The following GAS7 variants were observed in gnomAD, a reference collection of about 807,000 sequenced individuals.
GAS7 encodes growth arrest-specific protein 7.
In GAS7, 28 loss-of-function variants were observed where a neutral mutation model predicts 71.1. The ratio of observed to expected loss-of-function variants is 0.39; its 90% CI spans 0.29 to 0.54. GAS7 has a LOEUF of 0.54. GAS7 is among the 20% of genes least tolerant of loss of function. GAS7 has a pLI of 0.62. For synonymous variants in GAS7, 258 were observed against 245.8 expected, an observed-to-expected ratio of 1.05 and a Z score of -0.46; for missense variants, 436 against 627.8, an observed-to-expected ratio of 0.69 and a Z score of 3.27.
chr17:10,152,438 A>G lies in GAS7; in HGVS notation c.183+45770T>C, dbSNP rs575943345. On this transcript the variant is annotated intron_variant, in intron 1 of 13. Transcript: ENST00000432992. ...CTTTGTAAAGCATCACTTCCCAGTGAAGAATTGACTGTGCGTGCATTAGCT... is the reference window on the plus strand; with the variant it reads ...CTTTGTAAAGCATCACTTCCCAGTGGAGAATTGACTGTGCGTGCATTAGCT... Among the ~76,000 whole-genome samples, 5 of 152,352 alleles carry G rather than the reference A, an allele frequency of 3.3e-5. No homozygotes were observed. The East Asian group carries it at 9.6e-4, about 29-fold the overall frequency.
intron 2 of GAS7, among the ~76,000 whole-genome samples, chr17:10,001,586 T>A (rs1016236086): frequency 1.3e-5 from 2 of 151,612 alleles, no homozygotes; most frequent in Admixed American, 1.3e-4. Context: ...GCCTGAAAGG[T>A]TTTAAAAACT....
At chr17:10,077,174 G>A (rs914850774) in intron 1 of GAS7, among the ~76,000 whole-genome samples, 2 of 152,146 alleles carry the variant, frequency 1.3e-5, no homozygotes, top group African/African-American at 4.8e-5. Context: ...CAAAGAGCCC[G>A]TTAAGAGCTA....
intron 1 of GAS7, among the ~76,000 whole-genome samples, chr17:10,049,566 T>A (rs115911100): frequency 0.075 from 11,332 of 150,964 alleles, 1,026 homozygotes; most frequent in African/African-American, 0.22. Flanking sequence ...AAAAATATTT[T>A]AAAATAATTT....
chr17:10,015,620 A>G (rs2152198012), intron 2 of GAS7, among the ~76,000 whole-genome samples: 1 of 152,334 alleles, frequency 6.6e-6, no homozygotes, highest in South Asian at 2.1e-4. Context: ...TATTTAAAAC[A>G]TCCCTACAGC....
chr17:10,162,120 C>T (rs1217373479), intron 1 of GAS7, among the ~76,000 whole-genome samples: 5 of 151,584 alleles, frequency 3.3e-5, no homozygotes, highest in Admixed American at 6.6e-5. Context: ...AGAACCCTTC[C>T]GAAGGCTCCC....
rs748162081 is a variant in GAS7, at chr17:9,959,153, T to A, written c.525+49A>T. 1.9e-6 allele frequency: 3 copies of A among 1,596,758 alleles called. No individual in the cohort carries two copies. Among genetic ancestry groups the A allele is most frequent in the Non-Finnish European group, 2.6e-6 (3 of 1,168,694 alleles). ...TCGCCATGGCAACAGCCCAGCCAAA[T>A]GCCCCAGCTCGCAGCCCACCCTGAG... On this transcript the variant is annotated intron_variant, in intron 5 of 13. Transcript: ENST00000432992. This position sits in a 1 kb window ranked among gnomAD's most constrained non-coding sequence, Gnocchi z 5.0.
intron 1 of GAS7, among the ~76,000 whole-genome samples, chr17:10,180,353 T>G (rs1054599754): frequency 7.2e-6 from 1 of 138,142 alleles, no homozygotes; most frequent in Non-Finnish European, 1.6e-5. Flanking sequence ...AAAAAAGCTA[T>G]GGAAACTGAG....
At chr17:9,940,499 G>A (rs1031862938) in intron 7 of GAS7, among the ~76,000 whole-genome samples, 8 of 152,142 alleles carry the variant, frequency 5.3e-5, no homozygotes, top group African/African-American at 9.7e-5. Flanking sequence ...AGCACAGAAC[G>A]GGAAACATAA....
chr17:10,111,198 C>T (rs1488502477), intron 1 of GAS7, among the ~76,000 whole-genome samples: 18 of 151,890 alleles, frequency 1.2e-4, no homozygotes. Context: ...GTCAGGAGTT[C>T]GAGACCAGCC....
intron 1 of GAS7, among the ~76,000 whole-genome samples, chr17:10,191,448 T>C (rs935869484): frequency 8.0e-5 from 12 of 149,874 alleles, no homozygotes; most frequent in African/African-American, 1.7e-4. Context: ...CAGGTGCCTA[T>C]AGTCCAAGCT....
At chr17:10,071,933 T>C (rs992733485) in intron 1 of GAS7, among the ~76,000 whole-genome samples, 2 of 114,170 alleles carry the variant, frequency 1.8e-5, no homozygotes, top group South Asian at 2.7e-4. Flanking sequence ...TGAGACTCCA[T>C]CTCAAGAAAA....
At chr17:10,116,736 C>T (rs1008195316) in intron 1 of GAS7, among the ~76,000 whole-genome samples, 2 of 152,096 alleles carry the variant, frequency 1.3e-5, no homozygotes, top group Non-Finnish European at 2.9e-5. Flanking sequence ...CTCTTATACA[C>T]CAGACGCAGG....
chr17:10,100,755 T>C (rs2073690670), intron 1 of GAS7, among the ~76,000 whole-genome samples: 1 of 152,156 alleles, frequency 6.6e-6, no homozygotes, highest in Non-Finnish European at 1.5e-5. Flanking sequence ...CTAAAGTCTT[T>C]AGAATCAGAA....
intron 1 of GAS7, among the ~76,000 whole-genome samples, chr17:10,191,888 A>AAAAAGAG (rs2074504945): frequency 6.6e-6 from 1 of 151,972 alleles, no homozygotes; most frequent in Admixed American, 6.6e-5. Context: ...AAAAAAAAAA[A>AAAAAGAG]AAAAGAGGAG....
At chr17:10,054,218 G>A (rs1189075076) in intron 1 of GAS7, among the ~76,000 whole-genome samples, 1 of 151,720 alleles carries the variant, frequency 6.6e-6, no homozygotes, top group South Asian at 2.1e-4. Context: ...ATAGACATGG[G>A]TGCGGGGAAT....
intron 6 of GAS7, among the ~76,000 whole-genome samples, chr17:9,946,283 C>T (rs917612086): frequency 3.3e-5 from 5 of 152,262 alleles, no homozygotes; most frequent in East Asian, 1.9e-4. Context: ...TAGCACACAA[C>T]GGACCATTTT....
rs1024571423 is a variant in GAS7, at chr17:9,927,793, G to T, written c.886-1024C>A. 1.6e-4 allele frequency among the ~76,000 whole-genome samples: 25 copies of T among 152,282 alleles called. No individual in the cohort carries two copies. In the Middle Eastern group the frequency reaches 0.02, roughly 124 times the overall value. On this transcript the variant is annotated intron_variant, in intron 9 of 13. Coordinates refer to ENST00000432992, the MANE Select transcript of GAS7 (RefSeq NM_201433.2). ...GAGAATACAAAGGTGAGCTAGACAG[G>T]GTCCAAACCTCGAGGAACTGATGGT...
intron 1 of GAS7, among the ~76,000 whole-genome samples, chr17:10,076,640 G>A (rs1433260707): frequency 6.6e-6 from 1 of 152,106 alleles, no homozygotes; most frequent in African/African-American, 2.4e-5. Flanking sequence ...ATATTCTACA[G>A]TAACTAACTA....
intron 1 of GAS7, among the ~76,000 whole-genome samples, chr17:10,127,995 G>GC (rs1453299621): frequency 6.6e-6 from 1 of 152,176 alleles, no homozygotes; most frequent in Non-Finnish European, 1.5e-5. Flanking sequence ...CAGGCGTTCA[G>GC]CTTGGATGGA....
Sources: allele counts gnomAD v4.1 joint callset (sites outside exome capture counted in the v4.1 genomes callset), GRCh38; gene constraint gnomAD v4.1.1; non-coding constraint Gnocchi (gnomAD v3.1); transcripts MANE v1.5; gene names NCBI Gene and HGNC (gene_info 2026-07-23, HGNC 2026-07-21).